Variants in LSM3 observed in about 807,000 individuals in gnomAD.
LSM3 encodes the protein LSM3 homolog, U6 small nuclear RNA and mRNA degradation associated.
A neutral mutation model predicts 15.4 loss-of-function variants in LSM3; 14 were observed. That is an observed-to-expected ratio of 0.91 (90% CI 0.60 to 1.42). The LOEUF is 1.42. Among genes scored for constraint, LSM3 ranks in the 40% most tolerant of loss-of-function variants. LSM3 has a pLI of 0.00. For missense variants in LSM3, 88 were observed against 127.9 expected (o/e 0.69, Z 1.50); for synonymous variants, 46 against 45.1 (o/e 1.02, Z -0.08).
At chr3:14,191,230 T>C (rs980388422) in intron 3 of LSM3, among the ~76,000 whole-genome samples, 112 of 152,342 alleles carry the variant, frequency 7.4e-4, no homozygotes, top group Admixed American at 1.2e-3. Flanking sequence ...TCAGGGATAT[T>C]GGCCTGAAAT....
chr3:14,180,096 C>T (rs1697007727), intron 1 of LSM3, among the ~76,000 whole-genome samples: 2 of 152,084 alleles, frequency 1.3e-5, no homozygotes, highest in South Asian at 2.1e-4. Flanking sequence ...AATTCAGTTA[C>T]CTTCCTCCAC....
At chr3:14,186,867 T>TC (rs1222678846) in intron 3 of LSM3, among the ~76,000 whole-genome samples, 4 of 152,238 alleles carry the variant, frequency 2.6e-5, no homozygotes, top group African/African-American at 7.2e-5. Context: ...GCAAAATTTA[T>TC]CCTTTTTCAG....
At chr3:14,184,613 C>T (rs1391186542) in intron 3 of LSM3, among the ~76,000 whole-genome samples, 14 of 151,306 alleles carry the variant, frequency 9.3e-5, no homozygotes, top group African/African-American at 2.9e-4. Context: ...AAAAATTAGC[C>T]GGGCGTAGTG....
In LSM3 at chr3:14,200,097, T is replaced by C. The variant is rs1033108685; in HGVS notation, c.*1981T>C. The stretch of plus-strand genomic sequence containing the variant: ...GATAGTTTACACTAAAACTTTTGGC[T>C]GTGAGGACTTGATTATACACATTTC... On this transcript the variant is annotated 3_prime_UTR_variant, in exon 4 of 4. Transcript: ENST00000306024. 5 of 152,284 alleles carry C rather than the reference T, an allele frequency of 3.3e-5. No homozygotes were observed. Among genetic ancestry groups the C allele is most frequent in the African/African-American group, 1.2e-4 (5 of 41,464 alleles). The allele number at this position is 152,284 out of a possible 1,614,324, so 9.4% of individuals were successfully genotyped here.
rs145805608 is a variant in LSM3 at position 14,194,775 on chromosome 3, CTTTTT to C, written c.229-3238_229-3234del. 3.5e-3 allele frequency among the ~76,000 whole-genome samples: 315 copies of C among 88,772 alleles called. 3 individuals carry two copies. Among genetic ancestry groups the C allele is most frequent in the African/African-American group, 0.012 (270 of 22,866 alleles). 58.2% of individuals were successfully genotyped at this position (88,772 alleles called of 152,430 possible). On this transcript the variant is annotated intron_variant, in intron 3 of 3. Coordinates refer to ENST00000306024, the MANE Select transcript of LSM3 (RefSeq NM_014463.3). The stretch of plus-strand genomic sequence containing the variant: ...TCTCTGATATTGAGTTTATAGCATC[CTTTTT>C]TTTTTTTTTTTTTTTTTTTTTTAAA...
chr3:14,188,257 C>T (rs1697108415), intron 3 of LSM3, among the ~76,000 whole-genome samples: 2 of 152,154 alleles, frequency 1.3e-5, no homozygotes, highest in Non-Finnish European at 2.9e-5. Context: ...TAATGAGCCA[C>T]CTGTGACTAG....
In LSM3 at chr3:14,198,273, TCA is replaced by T; in HGVS notation, c.*160_*161del. ...TGAAATGAGTTGATTTGCAGATAAC[TCA>T]CAACTTCTTAAGCTAAATGGTATTT... On this transcript the variant is annotated 3_prime_UTR_variant, in exon 4 of 4. Transcript: ENST00000306024. The T allele has an allele frequency of 1.7e-6, 1 of 597,612 alleles. No individual in the cohort carries two copies. The highest frequency in any genetic ancestry group is 3.0e-6 in the Non-Finnish European group (1 of 336,882). The allele number at this position is 597,612 out of a possible 1,614,324, so 37.0% of individuals were successfully genotyped here.
chr3:14,187,094 T>TA (rs1697096207), intron 3 of LSM3, among the ~76,000 whole-genome samples: 1 of 152,216 alleles, frequency 6.6e-6, no homozygotes, highest in Non-Finnish European at 1.5e-5. Context: ...CACTGCCACT[T>TA]ACTCCATGTT....
intron 2 of LSM3, among the ~76,000 whole-genome samples, chr3:14,183,609 A>G (rs1357033966): frequency 6.6e-6 from 1 of 152,240 alleles, no homozygotes; most frequent in African/African-American, 2.4e-5. Flanking sequence ...GCTGTTTTTC[A>G]TAATTAAATA....
intron 3 of LSM3, among the ~76,000 whole-genome samples, chr3:14,184,745 A>G (rs1697071604): frequency 7.3e-6 from 1 of 136,588 alleles, no homozygotes; most frequent in African/African-American, 2.8e-5. Context: ...CGACAGAGCG[A>G]GACTCCGTCT....
intron 3 of LSM3, among the ~76,000 whole-genome samples, chr3:14,184,258 G>T (rs1697065790): frequency 6.6e-6 from 1 of 152,180 alleles, no homozygotes. Flanking sequence ...TAAGTTAGCT[G>T]AGTTCTCATT....
Position 14,198,147 on chromosome 3 carries a change from G to C in LSM3, c.*31G>C. Reference sequence around the variant, plus strand: ...AGAATTTGTCCTGTATGGAAAACGGGAGACTTTGTACAGTGGCCTCTCTAA... The same window carrying C: ...AGAATTTGTCCTGTATGGAAAACGGCAGACTTTGTACAGTGGCCTCTCTAA... On this transcript the variant is annotated 3_prime_UTR_variant, in exon 4 of 4. Coordinates refer to ENST00000306024, the MANE Select transcript of LSM3 (RefSeq NM_014463.3). The C allele has an allele frequency of 6.4e-7, 1 of 1,551,340 alleles. No individual in the cohort carries two copies. The highest frequency in any genetic ancestry group is 2.2e-5 in the East Asian group (1 of 44,616).
At chr3:14,196,435 T>C (rs1370062059) in intron 3 of LSM3, among the ~76,000 whole-genome samples, 1 of 152,186 alleles carries the variant, frequency 6.6e-6, no homozygotes, top group Non-Finnish European at 1.5e-5. Context: ...TGTGGTCACT[T>C]GTACAGAAAC....
chr3:14,179,192 A>G (rs1232858485), intron 1 of LSM3, among the ~76,000 whole-genome samples: 3 of 152,212 alleles, frequency 2.0e-5, no homozygotes, highest in Non-Finnish European at 2.9e-5. Flanking sequence ...AGGAGTTGTT[A>G]TCATTAGTGA....
At chr3:14,180,197 A>G (rs182039860) in intron 1 of LSM3, among the ~76,000 whole-genome samples, 1 of 152,322 alleles carries the variant, frequency 6.6e-6, no homozygotes, top group Admixed American at 6.5e-5. Flanking sequence ...GGTGACCCCA[A>G]GTCATCCTAG....
chr3:14,184,807 G>T (rs1164612358), intron 3 of LSM3, among the ~76,000 whole-genome samples: 1 of 151,760 alleles, frequency 6.6e-6, no homozygotes, highest in South Asian at 2.1e-4. Context: ...TGTAATCCTA[G>T]CACTTTGGGA....
chr3:14,183,249 A>C (rs1697056787), intron 2 of LSM3, among the ~76,000 whole-genome samples: 2 of 152,242 alleles, frequency 1.3e-5, no homozygotes, highest in Admixed American at 1.3e-4. Flanking sequence ...TGAACCATGT[A>C]ACACGTTGTT....
intron 3 of LSM3, among the ~76,000 whole-genome samples, chr3:14,188,568 G>T (rs1212559194): frequency 6.6e-6 from 1 of 152,246 alleles, no homozygotes; most frequent in East Asian, 1.9e-4. Context: ...GGTTTCTTGA[G>T]AATCTTCTCG....
chr3:14,189,896 G>C (rs1398325718), intron 3 of LSM3, among the ~76,000 whole-genome samples: 1 of 152,158 alleles, frequency 6.6e-6, no homozygotes. Context: ...GAATGGTATT[G>C]CCCGGGTTTT....
Sources: allele counts gnomAD v4.1 joint callset (sites outside exome capture counted in the v4.1 genomes callset), GRCh38; gene constraint gnomAD v4.1.1; transcripts MANE v1.5; gene names NCBI Gene and HGNC (gene_info 2026-07-23, HGNC 2026-07-21).